Variants in PRDM16 observed in about 807,000 individuals in gnomAD.
PRDM16 encodes the protein PR/SET domain 16, also known as histone-lysine N-methyltransferase PRDM16.
Under a neutral mutation model 110.6 loss-of-function variants are expected in PRDM16, and 23 were observed. The ratio of observed to expected loss-of-function variants is 0.21; its 90% CI spans 0.15 to 0.29. The LOEUF is 0.29. PRDM16 is among the 10% of genes least tolerant of loss of function. The pLI is 1.00. For missense variants in PRDM16, 1,615 were observed against 1,794.3 expected (o/e 0.90, Z 1.81); for synonymous variants, 799 against 781.8 (o/e 1.02, Z -0.37).
chr1:3,146,447 CAT>C (rs761716963), intron 1 of PRDM16, among the ~76,000 whole-genome samples: 32 of 151,886 alleles, frequency 2.1e-4, no homozygotes, highest in East Asian at 5.8e-4. Context: ...TGTGTGTGCA[CAT>C]GTGTTCAGTG....
At chr1:3,320,613 T>C (rs1238576482) in intron 3 of PRDM16, among the ~76,000 whole-genome samples, 1 of 152,198 alleles carries the variant, frequency 6.6e-6, no homozygotes, top group Non-Finnish European at 1.5e-5. Flanking sequence ...GAATCAACAA[T>C]GTGGACCTGC....
chr1:3,199,976 G>A (rs752419421), intron 2 of PRDM16, among the ~76,000 whole-genome samples: 4 of 152,266 alleles, frequency 2.6e-5, no homozygotes, highest in African/African-American at 4.8e-5. Flanking sequence ...GAATGCAGAG[G>A]CTACAGGCCT....
Position 3,411,801 on chromosome 1 carries a change from T to G in PRDM16, c.1604T>G (p.Leu535Arg). 1 of 1,611,620 alleles carries G rather than the reference T, an allele frequency of 6.2e-7. No individual in the cohort carries two copies. Among genetic ancestry groups the G allele is most frequent in the Admixed American group, 1.7e-5 (1 of 59,982 alleles). The change falls in exon 9 of 17, where the codon CTC (leucine) becomes CGC (arginine). Residue 535 changes from leucine to arginine, a missense_variant. Leu to Arg is a moderately radical substitution (Grantham distance 102, BLOSUM62 -2). Transcript: ENST00000270722. ...RPPLLPPTSL[L>R]KSPLNHTQDA... ...CCTCTGCTACCTCCCACATCGCTGC[T>G]CAAGAGCCCCCTGAACCACACCCAG...
intron 3 of PRDM16, among the ~76,000 whole-genome samples, chr1:3,249,425 C>A (rs188376605): frequency 6.6e-6 from 1 of 151,940 alleles, no homozygotes; most frequent in East Asian, 1.9e-4. Context: ...CCTGTGCCAG[C>A]GAGGTGAGTG....
chr1:3,099,379 CTA>C (rs1169231641), intron 1 of PRDM16, among the ~76,000 whole-genome samples: 6 of 152,250 alleles, frequency 3.9e-5, no homozygotes, highest in Non-Finnish European at 2.9e-5. Flanking sequence ...TGTGTGCCCG[CTA>C]TGTGGCTTCA....
intron 2 of PRDM16, among the ~76,000 whole-genome samples, chr1:3,204,605 T>G (rs569561011): frequency 1.3e-5 from 2 of 152,368 alleles, no homozygotes; most frequent in African/African-American, 4.8e-5. Flanking sequence ...ATAGCTCGGC[T>G]GCTCCGTTAT....
chr1:3,416,317 C>T (rs1009014451), intron 10 of PRDM16, among the ~76,000 whole-genome samples: 2 of 152,162 alleles, frequency 1.3e-5, no homozygotes, highest in African/African-American at 2.4e-5. Flanking sequence ...GCCAGATGCC[C>T]GGCACTCGGA....
rs1027415210 is a variant in PRDM16, at chr1:3,080,384, G to A, written c.37+11088G>A. On this transcript the variant is annotated intron_variant, in intron 1 of 16. Transcript: ENST00000270722. The surrounding 1 kb of genome is among the most constrained non-coding windows in gnomAD (Gnocchi z 5.2). ...AGCACCGGGGATTTACGGCCGACCC[G>A]CGCTTTCCGATCGGTTTCTCTACCC... Among the ~76,000 whole-genome samples, 4 of 152,104 alleles carry A rather than the reference G, an allele frequency of 2.6e-5. No homozygotes were observed. Among genetic ancestry groups the A allele is most frequent in the African/African-American group, 9.7e-5 (4 of 41,418 alleles).
chr1:3,285,622 A>G (rs745719112), intron 3 of PRDM16, among the ~76,000 whole-genome samples: 5 of 152,194 alleles, frequency 3.3e-5, no homozygotes, highest in Non-Finnish European at 7.4e-5. Context: ...GGCCGTGGTC[A>G]TAGCCAGCCT....
intron 1 of PRDM16, among the ~76,000 whole-genome samples, chr1:3,176,157 A>ATCCATCCATCCC (rs1644085131): frequency 1.3e-5 from 1 of 79,984 alleles, no homozygotes; most frequent in Non-Finnish European, 2.9e-5. Context: ...TCATCTATCC[A>ATCCATCCATCCC]TCCATCCATC....
intron 5 of PRDM16, among the ~76,000 whole-genome samples, chr1:3,401,834 G>T (rs140051604): frequency 6.6e-6 from 1 of 151,844 alleles, no homozygotes; most frequent in Non-Finnish European, 1.5e-5. Context: ...CAACACAAAG[G>T]CATCCACAAA....
chr1:3,181,589 T>A (rs373827255), intron 1 of PRDM16, among the ~76,000 whole-genome samples: 1 of 30,860 alleles, frequency 3.2e-5, no homozygotes, highest in African/African-American at 1.4e-4. Flanking sequence ...CGGTCTTACA[T>A]ATGGTCTTAC....
intron 3 of PRDM16, among the ~76,000 whole-genome samples, chr1:3,267,484 T>A (rs1640322027): frequency 6.6e-6 from 1 of 152,198 alleles, no homozygotes; most frequent in African/African-American, 2.4e-5. Flanking sequence ...GGTACGTGTG[T>A]ACAAGGATCG....
rs1642816217 is a variant in PRDM16, at chr1:3,112,409, C to T, written c.37+43113C>T. Among the ~76,000 whole-genome samples the T allele has an allele frequency of 3.9e-5, 6 of 152,358 alleles. No individual in the cohort carries two copies. The South Asian group carries it at 1.2e-3, about 32-fold the overall frequency. ...GCTTCTCTCTAGTCATAAGCATTAT[C>T]TTGGTCTGTAAACATTCTTTTTTCA... On this transcript the variant is annotated intron_variant, in intron 1 of 16. Coordinates refer to ENST00000270722, the MANE Select transcript of PRDM16 (RefSeq NM_022114.4).
intron 1 of PRDM16, among the ~76,000 whole-genome samples, chr1:3,102,425 C>T (rs939048597): frequency 5.9e-5 from 9 of 152,164 alleles, no homozygotes; most frequent in African/African-American, 2.2e-4. Context: ...GGGCTGGGGC[C>T]CACTGGTGGG....
At chr1:3,215,659 A>G (rs115993291) in intron 2 of PRDM16, among the ~76,000 whole-genome samples, 3,350 of 152,196 alleles carry the variant, frequency 0.022, 150 homozygotes, top group African/African-American at 0.076. Flanking sequence ...CGGTGGCTCC[A>G]GGCCACCCCT....
chr1:3,431,567 C>T (rs1162364571), intron 15 of PRDM16, among the ~76,000 whole-genome samples: 1 of 152,230 alleles, frequency 6.6e-6, no homozygotes. Flanking sequence ...TCCCAGATGC[C>T]CTTGGGGAGG....
At chr1:3,149,566 C>T (rs1643739305) in intron 1 of PRDM16, among the ~76,000 whole-genome samples, 1 of 152,218 alleles carries the variant, frequency 6.6e-6, no homozygotes, top group Non-Finnish European at 1.5e-5. Flanking sequence ...GCCGTGGGTG[C>T]TCCCAGCTGA....
chr1:3,107,636 C>T (rs1360427113), intron 1 of PRDM16, among the ~76,000 whole-genome samples: 1 of 152,228 alleles, frequency 6.6e-6, no homozygotes, highest in Non-Finnish European at 1.5e-5. Flanking sequence ...GAAGGTGTCA[C>T]AATCATCATG....
Sources: gnomAD v4.1 joint callset for allele counts (sites outside exome capture counted in the v4.1 genomes callset) on GRCh38, gnomAD v4.1.1 for gene constraint, Gnocchi (gnomAD v3.1) non-coding constraint, MANE v1.5 for transcripts, NCBI Gene and HGNC (gene_info 2026-07-23, HGNC 2026-07-21) for gene names.